TNNI3K: variants seen among roughly 807,000 people sequenced by gnomAD.
TNNI3K encodes TNNI3 interacting kinase.
A neutral mutation model predicts 114.5 loss-of-function variants in TNNI3K; 140 were observed. The ratio of observed to expected loss-of-function variants is 1.22; its 90% confidence interval spans 1.07 to 1.41. TNNI3K has a LOEUF of 1.41. Among genes scored for constraint, TNNI3K ranks in the 40% most tolerant of loss-of-function variants. The pLI, the probability that TNNI3K is intolerant of heterozygous loss-of-function variation, is 0.00. For missense variants in TNNI3K, 1,125 were observed against 1,007.6 expected (o/e 1.12, Z -1.58); for synonymous variants, 347 against 347.5 (o/e 1.00, Z 0.02).
rs114413902 is a variant in TNNI3K at position 74,400,244 on chromosome 1, T to C, written c.1772+29852T>C. 8.3e-3 allele frequency among the ~76,000 whole-genome samples: 1,263 copies of C among 152,256 alleles called. 3 individuals are homozygous for C. Among genetic ancestry groups the C allele is most frequent in the Middle Eastern group, 0.017 (5 of 294 alleles). Reference sequence around the variant, plus strand: ...ATGGGATGGTTAGCTTTTAGGCTAGTCACCAACTCCACCCAAACCCACCTA... The same window carrying C: ...ATGGGATGGTTAGCTTTTAGGCTAGCCACCAACTCCACCCAAACCCACCTA... On this transcript the variant is annotated intron_variant, in intron 17 of 24. Transcript: ENST00000326637.
chr1:74,314,185 T>C (rs1322192311), intron 5 of TNNI3K, among the ~76,000 whole-genome samples: 2 of 149,274 alleles, frequency 1.3e-5, no homozygotes, highest in Non-Finnish European at 3.0e-5. Context: ...TATTTAACTT[T>C]TATTTTAAGT....
At chr1:74,412,272 C>T (rs1485910116) in intron 17 of TNNI3K, among the ~76,000 whole-genome samples, 1 of 152,068 alleles carries the variant, frequency 6.6e-6, no homozygotes, top group Non-Finnish European at 1.5e-5. Flanking sequence ...TAATCCCCTC[C>T]CCCACTCCAA....
intron 23 of TNNI3K, among the ~76,000 whole-genome samples, chr1:74,518,689 T>C (rs114398114): frequency 0.014 from 2,071 of 152,290 alleles, 40 homozygotes; most frequent in African/African-American, 0.045. Flanking sequence ...ATCTGTTTTT[T>C]AAGCTCAAAA....
chr1:74,260,051 T>G (rs1655570449), intron 4 of TNNI3K, among the ~76,000 whole-genome samples: 1 of 152,228 alleles, frequency 6.6e-6, no homozygotes, highest in Non-Finnish European at 1.5e-5. Flanking sequence ...TCTGCTTAAA[T>G]ATTTTTTAAT....
intron 23 of TNNI3K, among the ~76,000 whole-genome samples, chr1:74,530,679 G>C (rs969026572): frequency 7.2e-5 from 11 of 151,812 alleles, no homozygotes; most frequent in Admixed American, 1.3e-4. Context: ...ATGAGGAAGT[G>C]AGGAGTGGGC....
chr1:74,340,327 A>G (rs976806163), intron 7 of TNNI3K, among the ~76,000 whole-genome samples: 1 of 152,078 alleles, frequency 6.6e-6, no homozygotes, highest in East Asian at 1.9e-4. Flanking sequence ...ATTCTCCTTT[A>G]TATGTTTCTC....
At chr1:74,289,825 C>G (rs1188322042) in intron 5 of TNNI3K, among the ~76,000 whole-genome samples, 1 of 151,842 alleles carries the variant, frequency 6.6e-6, no homozygotes, top group East Asian at 1.9e-4. Context: ...CATTGGCAAA[C>G]CAAATGCATG....
intron 5 of TNNI3K, among the ~76,000 whole-genome samples, chr1:74,299,308 T>C (rs1035998401): frequency 2.0e-5 from 3 of 152,168 alleles, no homozygotes; most frequent in Non-Finnish European, 4.4e-5. Flanking sequence ...TTAGAGAATT[T>C]ACCAGTATAC....
At chr1:74,542,873 C>T (rs1177686316) in intron 24 of TNNI3K, among the ~76,000 whole-genome samples, 2 of 152,066 alleles carry the variant, frequency 1.3e-5, no homozygotes, top group African/African-American at 4.8e-5. Flanking sequence ...GTGGCCTGAT[C>T]CTGAGCCACT....
At chr1:74,479,138 T>C (rs1199331669) in intron 21 of TNNI3K, among the ~76,000 whole-genome samples, 2 of 152,164 alleles carry the variant, frequency 1.3e-5, no homozygotes, top group African/African-American at 4.8e-5. Flanking sequence ...CATTTGTTGG[T>C]CTCTGGTCTC....
At chr1:74,362,754 CAG>C (rs771727955) in intron 11 of TNNI3K, among the ~76,000 whole-genome samples, 30 of 152,074 alleles carry the variant, frequency 2.0e-4, no homozygotes, top group Non-Finnish European at 2.2e-4. Flanking sequence ...GAGGATTTAA[CAG>C]GGGGAGAAAT....
chr1:74,408,935 A>G (rs1303257016), intron 17 of TNNI3K, among the ~76,000 whole-genome samples: 1 of 152,016 alleles, frequency 6.6e-6, no homozygotes, highest in Non-Finnish European at 1.5e-5. Flanking sequence ...TGTCTTCATT[A>G]TGTATAAATG....
intron 17 of TNNI3K, among the ~76,000 whole-genome samples, chr1:74,392,303 G>C (rs1320260542): frequency 2.0e-5 from 3 of 152,214 alleles, no homozygotes; most frequent in Non-Finnish European, 4.4e-5. Flanking sequence ...TTGCAAAATA[G>C]AAGGATCTAA....
intron 17 of TNNI3K, among the ~76,000 whole-genome samples, chr1:74,413,466 G>A (rs906735849): frequency 2.0e-5 from 3 of 152,052 alleles, no homozygotes; most frequent in Non-Finnish European, 4.4e-5. Flanking sequence ...GTGTTGTTAC[G>A]GTAGAGCCAC....
At chr1:74,477,912 T>C (rs574658061) in intron 21 of TNNI3K, among the ~76,000 whole-genome samples, 1 of 152,342 alleles carries the variant, frequency 6.6e-6, no homozygotes, top group Non-Finnish European at 1.5e-5. Flanking sequence ...TATTGAAACA[T>C]TAGAAACACA....
chr1:74,390,203 T>A (rs189305548), intron 17 of TNNI3K, among the ~76,000 whole-genome samples: 16 of 152,030 alleles, frequency 1.1e-4, no homozygotes, highest in African/African-American at 3.9e-4. Context: ...GGAATTCTGG[T>A]CAAGTGAGAT....
chr1:74,513,409 T>A (rs1218634836), intron 23 of TNNI3K, among the ~76,000 whole-genome samples: 1 of 152,200 alleles, frequency 6.6e-6, no homozygotes, highest in East Asian at 1.9e-4. Flanking sequence ...ATGACTGTCT[T>A]TGCAATGTTC....
intron 5 of TNNI3K, among the ~76,000 whole-genome samples, 178 bp downstream of exon 5, chr1:74,271,886 A>G (rs1430640002): frequency 6.6e-6 from 1 of 151,912 alleles, no homozygotes; most frequent in Non-Finnish European, 1.5e-5. Context: ...AATTCAGTCA[A>G]TTTTCTAACA....
intron 17 of TNNI3K, 46 bp downstream of exon 17, chr1:74,370,438 G>T: frequency 6.5e-7 from 1 of 1,531,690 alleles, no homozygotes; most frequent in African/African-American, 1.4e-5. Context: ...TGACTAACTG[G>T]GAGTTTAAGA....
Sources: allele counts gnomAD v4.1 joint callset (sites outside exome capture counted in the v4.1 genomes callset), GRCh38; gene constraint gnomAD v4.1.1; transcripts MANE v1.5; gene names NCBI Gene and HGNC (gene_info 2026-07-23, HGNC 2026-07-21).